The following GAL3ST2 variants were observed in gnomAD, a reference collection of about 807,000 sequenced individuals.
GAL3ST2 encodes the protein beta-galactose-3-O-sulfotransferase 2.
A neutral mutation model predicts 12.9 loss-of-function variants in GAL3ST2; 16 were observed. The ratio of observed to expected loss-of-function variants is 1.24; its 90% confidence interval spans 0.84 to 1.88. GAL3ST2 has a LOEUF of 1.88. GAL3ST2 is among the 40% of genes most tolerant of loss of function. GAL3ST2 has a pLI of 0.00. For missense variants in GAL3ST2, 639 were observed against 571.8 expected, an observed-to-expected ratio of 1.12 and a Z score of -1.20; for synonymous variants, 302 against 273.9, an observed-to-expected ratio of 1.10 and a Z score of -1.01.
At chr2:241,780,161 A>G (rs972177053) in intron 1 of GAL3ST2, among the ~76,000 whole-genome samples, 1 of 152,240 alleles carries the variant, frequency 6.6e-6, no homozygotes, top group Non-Finnish European at 1.5e-5. Flanking sequence ...ACTGCAGAAA[A>G]TAGTAAAAAT....
In GAL3ST2 at chr2:241,801,475, G is replaced by T. The variant is rs1699843181; in HGVS notation, c.120-306G>T. ...AACTCAGTTTTAAGGTGGGTCTGGGGTCCCCTTGGCCAAGATGGGGTTCAT... is the reference window on the plus strand; with the variant it reads ...AACTCAGTTTTAAGGTGGGTCTGGGTTCCCCTTGGCCAAGATGGGGTTCAT... On this transcript the variant is annotated intron_variant, in intron 2 of 3. Coordinates refer to ENST00000192314, the MANE Select transcript of GAL3ST2 (RefSeq NM_022134.3). The surrounding 1 kb of genome is among the most constrained non-coding windows in gnomAD (Gnocchi z 4.4). 2.1e-6 allele frequency: 1 copy of T among 480,508 alleles called. No individual in the cohort carries two copies. The highest frequency in any genetic ancestry group is 3.7e-6 in the Non-Finnish European group (1 of 269,512). 29.8% of individuals were successfully genotyped at this position (480,508 alleles called of 1,614,324 possible).
In GAL3ST2 at chr2:241,801,416, C is replaced by T. The variant is rs1040721313; in HGVS notation, c.120-365C>T. The T allele has an allele frequency of 9.3e-6, 3 of 323,084 alleles. No individual in the cohort carries two copies. The highest frequency in any genetic ancestry group is 6.7e-5 in the East Asian group (1 of 14,982). The allele number at this position is 323,084 out of a possible 1,614,324, so 20.0% of individuals were successfully genotyped here. On this transcript the variant is annotated intron_variant, in intron 2 of 3. Coordinates refer to ENST00000192314, the MANE Select transcript of GAL3ST2 (RefSeq NM_022134.3). The surrounding 1 kb of genome is among the most constrained non-coding windows in gnomAD (Gnocchi z 4.4). ...AAACCGCAAAGGGGAGGGGGTGTGA[C>T]GAGGCGTCTACCTCCCATCCCATCA...
Position 241,804,252 on chromosome 2 carries a change from T to G in GAL3ST2, c.*86T>G. 1 of 1,197,038 alleles carries G rather than the reference T, an allele frequency of 8.4e-7. No individual in the cohort carries two copies. Among genetic ancestry groups the G allele is most frequent in the Admixed American group, 4.1e-5 (1 of 24,644 alleles). 74.2% of individuals were successfully genotyped at this position (1,197,038 alleles called of 1,614,324 possible). ...GGGAGGCCGGGGATCCTTGCAGGGC[T>G]TCTGGGGCGTTGGGAAACCCAGGCC... is the stretch of plus-strand genomic sequence containing the variant. On this transcript the variant is annotated 3_prime_UTR_variant, in exon 4 of 4. Transcript: ENST00000192314.
rs773167336 is a variant in GAL3ST2 at position 241,782,305 on chromosome 2, A to ATTTAT, written c.29+5340_29+5344dup. On this transcript the variant is annotated intron_variant, in intron 1 of 3. Coordinates refer to ENST00000192314, the MANE Select transcript of GAL3ST2 (RefSeq NM_022134.3). Reference sequence around the variant, plus strand: ...GGGCCTTGTGGAGTTAGATAGCTTTATTTATTTTATTTTATTTTATTTTTA... The same window carrying ATTTAT: ...GGGCCTTGTGGAGTTAGATAGCTTTATTTATTTTATTTTATTTTATTTTATTTTTA... Among the ~76,000 whole-genome samples the ATTTAT allele has an allele frequency of 7.0e-3, 1,058 of 152,016 alleles. 9 individuals carry two copies. The highest frequency in any genetic ancestry group is 8.2e-3 in the Non-Finnish European group (558 of 67,966).
intron 1 of GAL3ST2, among the ~76,000 whole-genome samples, chr2:241,781,000 C>A (rs1326624950): frequency 6.6e-6 from 1 of 152,218 alleles, no homozygotes; most frequent in Non-Finnish European, 1.5e-5. Context: ...GGTAAAATAA[C>A]CAGTTTCTCC....
chr2:241,781,855 G>A (rs1222198117), intron 1 of GAL3ST2, among the ~76,000 whole-genome samples: 17,770 of 121,610 alleles, frequency 0.15, no homozygotes, highest in African/African-American at 0.28. Flanking sequence ...AGTTTGTCAA[G>A]TATCAAAGGT....
intron 1 of GAL3ST2, among the ~76,000 whole-genome samples, chr2:241,790,636 A>C (rs1699683888): frequency 6.6e-6 from 1 of 152,206 alleles, no homozygotes. Context: ...CATAACAAGG[A>C]AGAAAATAAC....
rs1699848323 is a variant in GAL3ST2, at chr2:241,801,668, G to A, written c.120-113G>A. The A allele has an allele frequency of 9.9e-6, 14 of 1,410,422 alleles. No individual in the cohort carries two copies. The highest frequency in any genetic ancestry group is 1.3e-5 in the Non-Finnish European group (14 of 1,054,284). The allele number at this position is 1,410,422 out of a possible 1,614,324, so 87.4% of individuals were successfully genotyped here. On this transcript the variant is annotated intron_variant, in intron 2 of 3. Transcript: ENST00000192314. This position sits in a 1 kb window ranked among gnomAD's most constrained non-coding sequence, Gnocchi z 4.4. ...CAGTTGGCCCCCTGGCCTAGAGTTG[G>A]GGGGCTCAGGTTGGGAGGTCTCTCC...
chr2:241,797,349 G>A (rs537657332), intron 1 of GAL3ST2, among the ~76,000 whole-genome samples: 3 of 152,250 alleles, frequency 2.0e-5, no homozygotes, highest in South Asian at 2.1e-4. Flanking sequence ...GCCGATGTTC[G>A]TTATCGTGAC....
intron 1 of GAL3ST2, among the ~76,000 whole-genome samples, chr2:241,784,004 C>A (rs1699597767): frequency 6.6e-6 from 1 of 151,554 alleles, no homozygotes; most frequent in Non-Finnish European, 1.5e-5. Context: ...CAAGCTGTAG[C>A]TATGGATCAT....
At chr2:241,786,933 C>T (rs577803948) in intron 1 of GAL3ST2, among the ~76,000 whole-genome samples, 8 of 152,284 alleles carry the variant, frequency 5.3e-5, no homozygotes, top group African/African-American at 1.9e-4. Context: ...TTAGGGCCAA[C>T]CTGCCTCCCG....
chr2:241,794,450 T>G (rs975407465), intron 1 of GAL3ST2, among the ~76,000 whole-genome samples: 1 of 152,186 alleles, frequency 6.6e-6, no homozygotes, highest in Non-Finnish European at 1.5e-5. Flanking sequence ...GCCTCTCTTC[T>G]CTTTCTTTTG....
Position 241,776,964 on chromosome 2 carries a change from C to A in GAL3ST2, c.9C>A (p.Ser3=), listed in dbSNP as rs1278192441. 1 of 1,554,494 alleles carries A rather than the reference C, an allele frequency of 6.4e-7. No homozygotes were observed. Among genetic ancestry groups the A allele is most frequent in the Non-Finnish European group, 8.7e-7 (1 of 1,146,212 alleles). The change falls in exon 1 of 4, where the codon TCC becomes TCA. Residue 3 remains serine, a synonymous_variant. Coordinates refer to ENST00000192314, the MANE Select transcript of GAL3ST2 (RefSeq NM_022134.3). MM[S]MLGGLQRYFR... is the part of the protein sequence containing the mutation. ...GGAGGCCAGAGGCCAAGATGATGTC[C>A]ATGCTGGGCGGCTTGCAGAGGTAAG...
chr2:241,801,909 C>T lies in GAL3ST2; in HGVS notation c.248C>T (p.Ala83Val), dbSNP rs150963577. 2.6e-5 allele frequency: 42 copies of T among 1,612,886 alleles called. No individual in the cohort carries two copies. The highest frequency in any genetic ancestry group is 4.0e-5 in the African/African-American group (3 of 74,920). The change falls in exon 3 of 4, where the codon GCG becomes GTG. Residue 83 changes from alanine to valine, a missense_variant. Transcript: ENST00000192314. The surrounding 1 kb of genome is among the most constrained non-coding windows in gnomAD (Gnocchi z 4.4). ...RFAETHNLSV[A>V]LPAGSRVHLG... ...GCCGAGACCCACAACCTGTCCGTGGCGCTGCCCGCCGGCTCACGCGTCCAC... is the reference window on the plus strand; with the variant it reads ...GCCGAGACCCACAACCTGTCCGTGGTGCTGCCCGCCGGCTCACGCGTCCAC...
In GAL3ST2 at chr2:241,800,368, G is replaced by T. The variant is rs890465818; in HGVS notation, c.119+1214G>T. ...GCTGGGAGCGGGCACTTCGAGGGAG[G>T]GGGTGGGACAGGGGCTTACGCTGAA... On this transcript the variant is annotated intron_variant, in intron 2 of 3. Transcript: ENST00000192314. This position sits in a 1 kb window ranked among gnomAD's most constrained non-coding sequence, Gnocchi z 5.2. 1.3e-5 allele frequency among the ~76,000 whole-genome samples: 2 copies of T among 152,174 alleles called. No homozygotes were observed. The highest frequency in any genetic ancestry group is 2.9e-5 in the Non-Finnish European group (2 of 68,020).
rs1036165259 is a variant in GAL3ST2, at chr2:241,801,992, C to G, written c.331C>G (p.Arg111Gly). ...CGTGGAAGGCGTGGGGTCGCAGCAG[C>G]GCTTCAACATCATGTGCAACCACCT... ...RYVEGVGSQQRFNIMCNHLRF... is the reference protein window; with the variant it reads ...RYVEGVGSQQGFNIMCNHLRF... The change falls in exon 3 of 4, where the codon CGC (arginine) becomes GGC (glycine). Residue 111 changes from arginine to glycine, a missense_variant. By Grantham distance (125) the Arg-to-Gly change is moderately radical. Transcript: ENST00000192314. This position sits in a 1 kb window ranked among gnomAD's most constrained non-coding sequence, Gnocchi z 4.4. 1 of 1,612,784 alleles carries G rather than the reference C, an allele frequency of 6.2e-7. No individual in the cohort carries two copies. The highest frequency in any genetic ancestry group is 8.5e-7 in the Non-Finnish European group (1 of 1,179,838).
chr2:241,799,514 C>A (rs904260428), intron 2 of GAL3ST2, among the ~76,000 whole-genome samples: 1 of 152,214 alleles, frequency 6.6e-6, no homozygotes, highest in African/African-American at 2.4e-5. Flanking sequence ...CAGAACCGTG[C>A]TCAGGACAGA....
intron 2 of GAL3ST2, among the ~76,000 whole-genome samples, chr2:241,799,885 C>T (rs1452386584): frequency 1.3e-5 from 2 of 152,358 alleles, no homozygotes; most frequent in Non-Finnish European, 2.9e-5. Context: ...GCGCCTGCTA[C>T]TCCAGCCCCA....
chr2:241,803,111 T>A (rs1699875564), intron 3 of GAL3ST2, among the ~76,000 whole-genome samples: 2 of 152,336 alleles, frequency 1.3e-5, no homozygotes, highest in South Asian at 4.1e-4. Context: ...CCTGGCGTCC[T>A]TGGCCTCTGT....
Sources: allele counts gnomAD v4.1 joint callset (sites outside exome capture counted in the v4.1 genomes callset), GRCh38; gene constraint gnomAD v4.1.1; non-coding constraint Gnocchi (gnomAD v3.1); transcripts MANE v1.5; gene names NCBI Gene and HGNC (gene_info 2026-07-23, HGNC 2026-07-21).